The following ZNF667 variants were observed in gnomAD, a reference collection of about 807,000 sequenced individuals.
The protein encoded by ZNF667 is zinc finger protein 667.
ZNF667 carries 13 observed loss-of-function variants against 31.8 expected under a neutral mutation model. That is an observed-to-expected ratio of 0.41 (90% CI 0.27 to 0.65). The LOEUF is 0.65. Ranked by LOEUF, ZNF667 falls within the 30% of genes least tolerant of loss-of-function variation. The pLI, the probability that ZNF667 is intolerant of heterozygous loss-of-function variation, is 0.32. For missense variants in ZNF667, 642 were observed against 725.6 expected, an observed-to-expected ratio of 0.88 and a Z score of 1.32; for synonymous variants, 228 against 247.1, an observed-to-expected ratio of 0.92 and a Z score of 0.73.
intron 4 of ZNF667, among the ~76,000 whole-genome samples, chr19:56,461,655 A>C (rs1018869804): frequency 2.0e-5 from 3 of 152,224 alleles, no homozygotes; most frequent in Non-Finnish European, 2.9e-5. Flanking sequence ...GTTTGCAGCT[A>C]ATCTGTTACA....
intron 3 of ZNF667, among the ~76,000 whole-genome samples, chr19:56,467,468 A>G (rs1402575322): frequency 6.6e-6 from 1 of 152,170 alleles, no homozygotes; most frequent in Non-Finnish European, 1.5e-5. Context: ...CACACCAAGC[A>G]AGCAATCATT....
chr19:56,440,940 G>C lies in ZNF667; in HGVS notation c.*222C>G. The C allele has an allele frequency of 7.3e-7, 1 of 1,376,456 alleles. No individual in the cohort carries two copies. The highest frequency in any genetic ancestry group is 9.4e-7 in the Non-Finnish European group (1 of 1,068,062). 85.3% of individuals were successfully genotyped at this position (1,376,456 alleles called of 1,614,324 possible). ...GCCCAGCCAGTAATTCTTATCAAAT[G>C]AAAAATGATCTTCATTCACAATGAC... On this transcript the variant is annotated 3_prime_UTR_variant, in exon 7 of 7. Transcript: ENST00000504904.
At chr19:56,470,921 G>A (rs559588961) in intron 3 of ZNF667, among the ~76,000 whole-genome samples, 7 of 152,264 alleles carry the variant, frequency 4.6e-5, no homozygotes, top group African/African-American at 1.7e-4. Flanking sequence ...TTGCTGCAGG[G>A]GTGATTTATA....
In ZNF667 at chr19:56,442,242, A is replaced by T; in HGVS notation, c.753T>A (p.Asn251Lys). Residue 251 changes from asparagine to lysine, a missense_variant, in exon 7 of 7, where the codon AAT becomes AAA. Coordinates refer to ENST00000504904, the MANE Select transcript of ZNF667 (RefSeq NM_001321356.2). ...TTCCGCACTTTCTGCACTGGCAGAC[A>T]TTCCCAACAACATGAATTTTCTGAT... ...NIHQKIHVVG[N>K]VCQCRKCGKA... The T allele has an allele frequency of 1.2e-6, 2 of 1,614,200 alleles. No individual in the cohort carries two copies. Among genetic ancestry groups the T allele is most frequent in the Non-Finnish European group, 1.7e-6 (2 of 1,180,030 alleles).
intron 1 of ZNF667, chr19:56,474,501 T>C (rs2043359796): frequency 2.0e-5 from 3 of 152,198 alleles, no homozygotes; most frequent in Admixed American, 2.0e-4. Context: ...ATTTCCCCAC[T>C]TTGCCCGGGA....
At chr19:56,472,303 G>C (rs1014775770) in intron 2 of ZNF667, 116 bp from the exon 3 acceptor site, 3 of 152,142 alleles carry the variant, frequency 2.0e-5, no homozygotes, top group East Asian at 3.9e-4. Context: ...CTATACAATG[G>C]GGTAAAGAAA....
At chr19:56,465,280 T>C (rs113623268) in intron 3 of ZNF667, among the ~76,000 whole-genome samples, 1 of 152,198 alleles carries the variant, frequency 6.6e-6, no homozygotes, top group Non-Finnish European at 1.5e-5. Context: ...TTCGTCCCCG[T>C]AGGGGTGGAG....
At chr19:56,443,524 T>C (rs1486744839) in intron 6 of ZNF667, among the ~76,000 whole-genome samples, 1 of 152,198 alleles carries the variant, frequency 6.6e-6, no homozygotes, top group Non-Finnish European at 1.5e-5. Flanking sequence ...CGTTACTGTA[T>C]TGAATCCTGT....
chr19:56,451,883 A>AAAAAAAAC (rs2042832823), intron 6 of ZNF667, among the ~76,000 whole-genome samples: 1 of 56,126 alleles, frequency 1.8e-5, no homozygotes, highest in African/African-American at 5.6e-5. Flanking sequence ...AAAAAAAAAA[A>AAAAAAAAC]AAAAAAAAAA....
Position 56,441,284 on chromosome 19 carries a change from T to C in ZNF667, c.1711A>G (p.Ile571Val), listed in dbSNP as rs754979497. Residue 571 changes from isoleucine (I) to valine (V), a missense_variant, in exon 7 of 7, where the codon ATT becomes GTT. Transcript: ENST00000504904. This position sits in a 1 kb window ranked among gnomAD's most constrained non-coding sequence, Gnocchi z 4.2. ...GAAGAATGACTTCTCTGATGTCGAATAAGGTCTGAGCCACTGCTAAATGCC... is the reference window on the plus strand; with the variant it reads ...GAAGAATGACTTCTCTGATGTCGAACAAGGTCTGAGCCACTGCTAAATGCC... ...GKAFSSGSDL[I>V]RHQRSHSSEK... is the part of the protein sequence containing the mutation. 2 of 1,613,904 alleles carry C rather than the reference T, an allele frequency of 1.2e-6. No homozygotes were observed. Among genetic ancestry groups the C allele is most frequent in the Non-Finnish European group, 1.7e-6 (2 of 1,179,836 alleles).
chr19:56,461,035 C>T (rs112711069), intron 4 of ZNF667, among the ~76,000 whole-genome samples: 3 of 152,170 alleles, frequency 2.0e-5, no homozygotes, highest in Admixed American at 6.5e-5. Flanking sequence ...ATTAAGAACA[C>T]GTGGCAACCT....
Position 56,442,078 on chromosome 19 carries a change from T to C in ZNF667, c.917A>G (p.Glu306Gly), listed in dbSNP as rs778671002. ...GGCCTTCGCATTTTCAGGGATTTTC[T>C]CTCCAGCATGAATTCTTTTATGTAC... Reference protein sequence around the residue: ...FVVHKRIHAGEKIPENAKALS... With the variant: ...FVVHKRIHAGGKIPENAKALS... Residue 306 changes from glutamate (E) to glycine (G), a missense_variant, in exon 7 of 7, where the codon GAG (glutamate) becomes GGG (glycine). Transcript: ENST00000504904. 1.9e-6 allele frequency: 3 copies of C among 1,614,168 alleles called. No homozygotes were observed. The highest frequency in any genetic ancestry group is 2.5e-6 in the Non-Finnish European group (3 of 1,180,010).
intron 1 of ZNF667, 126 bp downstream of exon 1, chr19:56,477,146 C>G (rs901302808): frequency 6.6e-6 from 1 of 152,194 alleles, no homozygotes; most frequent in East Asian, 1.9e-4. Flanking sequence ...CACGCAAGCA[C>G]CCGCGCAGAC....
intron 6 of ZNF667, among the ~76,000 whole-genome samples, chr19:56,450,217 C>T (rs1355494364): frequency 6.6e-6 from 1 of 151,984 alleles, no homozygotes; most frequent in African/African-American, 2.4e-5. Flanking sequence ...ATCCTAAAAG[C>T]AGCAAGAGAA....
chr19:56,443,998 A>G (rs2042670959), intron 6 of ZNF667: 1 of 367,066 alleles, frequency 2.7e-6, no homozygotes, highest in Non-Finnish European at 4.8e-6. Context: ...TACTATGAGT[A>G]TAAAACATAT....
intron 6 of ZNF667, among the ~76,000 whole-genome samples, chr19:56,447,922 C>T (rs977579991): frequency 2.6e-5 from 4 of 152,102 alleles, no homozygotes; most frequent in Admixed American, 2.6e-4. Context: ...AGTGGAAGAG[C>T]CAGATGGCCA....
intron 3 of ZNF667, among the ~76,000 whole-genome samples, chr19:56,465,849 C>T (rs1018643419): frequency 6.6e-6 from 1 of 152,216 alleles, no homozygotes; most frequent in Non-Finnish European, 1.5e-5. Context: ...GCTGGGAGAC[C>T]ATTCCCTACA....
In ZNF667 at chr19:56,462,421, AAGGC is replaced by A; in HGVS notation, c.-55_-52del. On this transcript the variant is annotated 5_prime_UTR_variant, in exon 4 of 7. Transcript: ENST00000504904. Reference sequence around the variant, plus strand: ...ACTGAGAGATGGGCAGAGAGCTGGTAAGGCAGGGCTGTGGGGAGAAGACAGGTCA... The same window carrying A: ...ACTGAGAGATGGGCAGAGAGCTGGTAAGGGCTGTGGGGAGAAGACAGGTCA... 6 of 1,611,738 alleles carry A rather than the reference AAGGC, an allele frequency of 3.7e-6. No individual in the cohort carries two copies. Among genetic ancestry groups the A allele is most frequent in the Non-Finnish European group, 4.2e-6 (5 of 1,177,778 alleles).
rs1201537940 is a variant in ZNF667, at chr19:56,441,995, T to C, written c.1000A>G (p.Lys334Glu). 2 of 1,613,996 alleles carry C rather than the reference T, an allele frequency of 1.2e-6. No homozygotes were observed. Among genetic ancestry groups the C allele is most frequent in the Non-Finnish European group, 1.7e-6 (2 of 1,179,932 alleles). ...HHLENPFKCRKCGKLFNRISP... is the reference protein window; with the variant it reads ...HHLENPFKCRECGKLFNRISP... ...ATCCTATTAAATAATTTCCCACATT[T>C]TCTGCATTTAAAAGGATTCTCTAAA... The change falls in exon 7 of 7, where the codon AAA becomes GAA. Residue 334 changes from lysine to glutamate, a missense_variant. Lys to Glu is a moderately conservative substitution (Grantham distance 56). Transcript: ENST00000504904. This position sits in a 1 kb window ranked among gnomAD's most constrained non-coding sequence, Gnocchi z 4.2.
Sources: allele counts gnomAD v4.1 joint callset (sites outside exome capture counted in the v4.1 genomes callset), GRCh38; gene constraint gnomAD v4.1.1; non-coding constraint Gnocchi (gnomAD v3.1); transcripts MANE v1.5; gene names NCBI Gene and HGNC (gene_info 2026-07-23, HGNC 2026-07-21).